Variants in ZC3H12B observed in about 807,000 individuals in gnomAD.
ZC3H12B encodes the protein zinc finger CCCH-type containing 12B.
A neutral mutation model predicts 43.9 loss-of-function variants in ZC3H12B; 7 were observed. That is an observed-to-expected ratio of 0.16 (90% confidence interval 0.09 to 0.30). The LOEUF (loss-of-function observed/expected upper bound fraction) is 0.30, where lower values mean the gene tolerates loss of function less well. ZC3H12B is among the 10% of genes least tolerant of loss of function. The pLI, the probability that ZC3H12B is intolerant of heterozygous loss-of-function variation, is 1.00. For synonymous variants in ZC3H12B, 222 were observed against 241.7 expected (o/e 0.92, Z 0.76); for missense variants, 475 against 670.2 (o/e 0.71, Z 3.22).
chrX:65,281,128 G>T, the ZC3H12B span, among the ~76,000 whole-genome samples: 2 of 110,279 alleles, frequency 1.8e-5, no homozygotes, highest in Non-Finnish European at 3.8e-5. Flanking sequence ...ATACTAAACA[G>T]CTGTAATAAC....
the ZC3H12B span, among the ~76,000 whole-genome samples, chrX:65,226,210 G>A: frequency 8.1e-5 from 9 of 111,575 alleles, no homozygotes; most frequent in South Asian, 2.3e-3. Flanking sequence ...AAGAGAGTGG[G>A]GGCCAATATT....
At chrX:65,110,943 A>G in the ZC3H12B span, among the ~76,000 whole-genome samples, 1 of 111,179 alleles carries the variant, frequency 9.0e-6, no homozygotes, top group Non-Finnish European at 1.9e-5. Flanking sequence ...GATCCTCTCT[A>G]TATTTTGTTA....
At chrX:65,352,517 C>G in the ZC3H12B span, among the ~76,000 whole-genome samples, 1 of 109,847 alleles carries the variant, frequency 9.1e-6, no homozygotes, top group Middle Eastern at 4.8e-3. Flanking sequence ...TGATAGCCCA[C>G]GGGTATAGGT....
At chrX:65,265,336 C>A in the ZC3H12B span, among the ~76,000 whole-genome samples, 1 of 111,609 alleles carries the variant, frequency 9.0e-6, no homozygotes, top group African/African-American at 3.3e-5. Flanking sequence ...GGATTATTGG[C>A]AACTGGAGTG....
chrX:65,206,734 G>T, the ZC3H12B span, among the ~76,000 whole-genome samples: 5 of 111,389 alleles, frequency 4.5e-5, no homozygotes, highest in Non-Finnish European at 9.4e-5. Context: ...AACCCGCAGA[G>T]TGGGAAAAAA....
the ZC3H12B span, among the ~76,000 whole-genome samples, chrX:65,181,845 G>A: frequency 2.7e-5 from 3 of 111,877 alleles, no homozygotes; most frequent in Admixed American, 9.5e-5. Flanking sequence ...ACAGTGTGGC[G>A]ATTCCTCAAG....
At chrX:65,260,825 C>T in the ZC3H12B span, among the ~76,000 whole-genome samples, 2 of 111,815 alleles carry the variant, frequency 1.8e-5, no homozygotes, top group African/African-American at 6.5e-5. Context: ...AAATTCACAA[C>T]TGTGTCACTT....
chrX:65,245,677 C>A, the ZC3H12B span, among the ~76,000 whole-genome samples: 1 of 111,371 alleles, frequency 9.0e-6, no homozygotes, highest in South Asian at 3.8e-4. Flanking sequence ...ATAAATTAAG[C>A]ATCAAAGGAC....
the ZC3H12B span, among the ~76,000 whole-genome samples, chrX:65,179,225 G>A: frequency 5.5e-3 from 597 of 109,341 alleles, 3 homozygotes; most frequent in Admixed American, 8.2e-3. Flanking sequence ...CATGGACACA[G>A]GGAGGGGAAC....
chrX:65,380,739 C>A (rs778531948), intron 2 of ZC3H12B, among the ~76,000 whole-genome samples: 8 of 111,434 alleles, frequency 7.2e-5, no homozygotes, highest in African/African-American at 2.3e-4. Context: ...CACACATAGG[C>A]TCAAAATAAA....
the ZC3H12B span, among the ~76,000 whole-genome samples, chrX:65,265,720 G>T: frequency 8.9e-6 from 1 of 111,742 alleles, no homozygotes; most frequent in Non-Finnish European, 1.9e-5. Context: ...TGTGGTTGTT[G>T]TTATTGTTTC....
intron 3 of ZC3H12B, among the ~76,000 whole-genome samples, chrX:65,400,423 G>A (rs2066749575): frequency 9.0e-6 from 1 of 111,114 alleles, no homozygotes. Context: ...TCTCTTAAGG[G>A]AACTTATCTA....
At chrX:65,217,359 T>G in the ZC3H12B span, among the ~76,000 whole-genome samples, 1 of 111,415 alleles carries the variant, frequency 9.0e-6, no homozygotes. Flanking sequence ...AAGCCCAAAC[T>G]GTGAAGACTG....
intron 3 of ZC3H12B, among the ~76,000 whole-genome samples, chrX:65,418,965 A>G (rs368659332): frequency 8.9e-6 from 1 of 112,016 alleles, no homozygotes; most frequent in African/African-American, 3.2e-5. Context: ...TCCAAGGATT[A>G]CTGGACATTA....
chrX:65,215,628 A>G, the ZC3H12B span, among the ~76,000 whole-genome samples: 1 of 111,241 alleles, frequency 9.0e-6, no homozygotes, highest in Admixed American at 9.6e-5. Context: ...TCTCACTAAC[A>G]TCAATAAGGC....
chrX:65,369,281 A>G (rs1418873775), intron 2 of ZC3H12B, among the ~76,000 whole-genome samples: 1 of 111,871 alleles, frequency 8.9e-6, no homozygotes, highest in African/African-American at 3.2e-5. Context: ...GAACTTTACA[A>G]ATCAAGTACC....
the ZC3H12B span, among the ~76,000 whole-genome samples, chrX:65,152,671 A>G: frequency 9.0e-6 from 1 of 111,499 alleles, no homozygotes; most frequent in Non-Finnish European, 1.9e-5. Context: ...AAGGTAATTT[A>G]TAGATTCAAT....
chrX:65,099,112 G>T, the ZC3H12B span, among the ~76,000 whole-genome samples: 62 of 111,525 alleles, frequency 5.6e-4, no homozygotes, highest in African/African-American at 2.0e-3. Context: ...AGGACTGGGT[G>T]GAACTAAACA....
the ZC3H12B span, among the ~76,000 whole-genome samples, chrX:65,294,750 C>A: frequency 9.0e-6 from 1 of 111,098 alleles, no homozygotes; most frequent in Non-Finnish European, 1.9e-5. Context: ...TCAAAAAGAA[C>A]AAAGAGGGAC....
Sources: gnomAD v4.1 joint callset for allele counts (sites outside exome capture counted in the v4.1 genomes callset) on GRCh38, gnomAD v4.1.1 for gene constraint, MANE v1.5 for transcripts, NCBI Gene and HGNC (gene_info 2026-07-23, HGNC 2026-07-21) for gene names.